FANCL: variants seen among roughly 807,000 people sequenced by gnomAD.
The protein encoded by FANCL is FA complementation group L.
In FANCL, 69 loss-of-function variants were observed where a neutral mutation model predicts 59.4. That is an observed-to-expected ratio of 1.16 (90% CI 0.96 to 1.42). FANCL has a LOEUF of 1.42. Ranked by LOEUF, FANCL falls within the 40% of genes most tolerant of loss-of-function variation. The probability of loss-of-function intolerance (pLI) is 0.00; values close to 1 mark genes in which losing one functional copy is unlikely to be tolerated. For missense variants in FANCL, 519 were observed against 447.2 expected (o/e 1.16, Z -1.45); for synonymous variants, 180 against 147.1 (o/e 1.22, Z -1.62).
At chr2:58,159,924 C>CA in intron 13 of FANCL, 124 bp from the exon 14 acceptor site, 2 of 1,535,508 alleles carry the variant, frequency 1.3e-6, no homozygotes, top group Non-Finnish European at 1.7e-6. Context: ...TCTGAAGTTT[C>CA]AGATCACCTA....
chr2:58,207,370 T>C (rs1446170371), intron 5 of FANCL, among the ~76,000 whole-genome samples: 5 of 152,186 alleles, frequency 3.3e-5, no homozygotes, highest in Non-Finnish European at 7.4e-5. Flanking sequence ...ACTCAAAATG[T>C]GGCTAGTGGG....
At chr2:58,192,401 T>C (rs1408060319) in intron 7 of FANCL, among the ~76,000 whole-genome samples, 1 of 151,908 alleles carries the variant, frequency 6.6e-6, no homozygotes, top group African/African-American at 2.4e-5. Flanking sequence ...TATTTTAGTA[T>C]ATGGAGGTTG....
At chr2:58,186,467 A>G (rs1212588024) in intron 7 of FANCL, among the ~76,000 whole-genome samples, 1 of 152,164 alleles carries the variant, frequency 6.6e-6, no homozygotes, top group African/African-American at 2.4e-5. Flanking sequence ...AAGAGTGGGG[A>G]CTGGAAAGAG....
At chr2:58,241,105 C>T (rs920855578) in intron 1 of FANCL, 113 bp downstream of exon 1, 19 of 1,118,254 alleles carry the variant, frequency 1.7e-5, no homozygotes, top group Non-Finnish European at 2.5e-5. Context: ...ACGCGCCGCC[C>T]CTCTCAATCC....
intron 3 of FANCL, among the ~76,000 whole-genome samples, chr2:58,228,473 C>A (rs1282461754): frequency 6.6e-6 from 1 of 152,138 alleles, no homozygotes; most frequent in African/African-American, 2.4e-5. Context: ...AAACTAAAGT[C>A]CAGAGGCCAA....
chr2:58,233,757 G>T (rs551290131), intron 1 of FANCL, among the ~76,000 whole-genome samples: 1 of 151,956 alleles, frequency 6.6e-6, no homozygotes, highest in Non-Finnish European at 1.5e-5. Context: ...ATAGTAACAA[G>T]CTCTGGTAAA....
At chr2:58,172,720 A>C (rs913245441) in intron 7 of FANCL, among the ~76,000 whole-genome samples, 1 of 152,208 alleles carries the variant, frequency 6.6e-6, no homozygotes, top group African/African-American at 2.4e-5. Flanking sequence ...AACTCTAAAA[A>C]GCAGAGCGCC....
chr2:58,205,787 G>A (rs888517475), intron 5 of FANCL, among the ~76,000 whole-genome samples: 4 of 152,080 alleles, frequency 2.6e-5, no homozygotes, highest in African/African-American at 9.7e-5. Context: ...GTTCAGGATA[G>A]AGAGTATGAC....
intron 4 of FANCL, among the ~76,000 whole-genome samples, chr2:58,226,312 A>G (rs1431410805): frequency 2.0e-5 from 3 of 152,210 alleles, no homozygotes; most frequent in Non-Finnish European, 4.4e-5. Context: ...TAAACAGTAC[A>G]TATGTAACAG....
chr2:58,165,831 T>A lies in FANCL; in HGVS notation c.584A>T (p.Glu195Val), dbSNP rs748800551. 1 of 1,614,128 alleles carries A rather than the reference T, an allele frequency of 6.2e-7. No homozygotes were observed. Among genetic ancestry groups the A allele is most frequent in the Admixed American group, 1.7e-5 (1 of 60,020 alleles). ...AACATCCCAGAATGCCTTTAGTGAT[T>A]CTATTGCTGCCAAAAACTGACTATA... ...SIYSQFLAAI[E>V]SLKAFWDVMD... The change falls in exon 8 of 14, where the codon GAA (glutamate) becomes GTA (valine). Residue 195 changes from glutamate (E) to valine (V), a missense_variant. Coordinates refer to ENST00000233741, the MANE Select transcript of FANCL (RefSeq NM_018062.4).
intron 1 of FANCL, among the ~76,000 whole-genome samples, chr2:58,233,861 T>C (rs1693789181): frequency 6.6e-6 from 1 of 151,838 alleles, no homozygotes; most frequent in African/African-American, 2.4e-5. Context: ...AGGCAGAAGA[T>C]AGGAGAAAAG....
chr2:58,178,458 CA>C (rs1240032762), intron 7 of FANCL, among the ~76,000 whole-genome samples: 1 of 151,972 alleles, frequency 6.6e-6, no homozygotes, highest in Non-Finnish European at 1.5e-5. Flanking sequence ...ACCCATCACA[CA>C]AACAGAACCA....
chr2:58,239,310 A>C (rs1039156646), intron 1 of FANCL, among the ~76,000 whole-genome samples: 3 of 152,230 alleles, frequency 2.0e-5, no homozygotes, highest in Non-Finnish European at 4.4e-5. Context: ...TAACCTCACA[A>C]GCCTTGAGAA....
intron 8 of FANCL, among the ~76,000 whole-genome samples, chr2:58,165,313 T>G (rs1409087590): frequency 6.6e-6 from 1 of 152,152 alleles, no homozygotes; most frequent in Non-Finnish European, 1.5e-5. Flanking sequence ...TCTTTTATCT[T>G]CCTCTGTATT....
intron 5 of FANCL, among the ~76,000 whole-genome samples, chr2:58,209,286 A>G (rs1690892773): frequency 6.6e-6 from 1 of 152,214 alleles, no homozygotes; most frequent in Non-Finnish European, 1.5e-5. Context: ...ACTGGTTCAC[A>G]TTTACTGATT....
intron 6 of FANCL, among the ~76,000 whole-genome samples, chr2:58,203,486 T>G (rs111443214): frequency 6.6e-6 from 1 of 151,986 alleles, no homozygotes; most frequent in Non-Finnish European, 1.5e-5. Flanking sequence ...ATGATTAATA[T>G]GCTAAACTTG....
chr2:58,233,317 G>C (rs545284680), intron 1 of FANCL, among the ~76,000 whole-genome samples: 1 of 151,946 alleles, frequency 6.6e-6, no homozygotes, highest in Admixed American at 6.6e-5. Flanking sequence ...GCAAAGCCCA[G>C]CCATTTTAAA....
intron 7 of FANCL, among the ~76,000 whole-genome samples, chr2:58,189,320 G>T (rs1455712372): frequency 6.7e-6 from 1 of 150,258 alleles, no homozygotes; most frequent in Non-Finnish European, 1.5e-5. Context: ...AACAGTAATG[G>T]ATCTACACAG....
intron 7 of FANCL, among the ~76,000 whole-genome samples, chr2:58,172,002 A>AGTCTAAGAT: frequency 6.6e-6 from 1 of 152,184 alleles, no homozygotes; most frequent in Non-Finnish European, 1.5e-5. Context: ...CATTGCTAGC[A>AGTCTAAGAT]CAGCAGTCTA....
Sources: gnomAD v4.1 joint callset for allele counts (sites outside exome capture counted in the v4.1 genomes callset) on GRCh38, gnomAD v4.1.1 for gene constraint, MANE v1.5 for transcripts, NCBI Gene and HGNC (gene_info 2026-07-23, HGNC 2026-07-21) for gene names.